The following TSPAN2 variants were observed in gnomAD, a reference collection of about 807,000 sequenced individuals.
TSPAN2 encodes tetraspanin 2.
A neutral mutation model predicts 33.3 loss-of-function variants in TSPAN2; 24 were observed. That is an observed-to-expected ratio of 0.72 (90% confidence interval 0.52 to 1.01). The LOEUF (loss-of-function observed/expected upper bound fraction) is 1.01, where lower values mean the gene tolerates loss of function less well. Ranked by LOEUF, TSPAN2 falls within the 50% of genes least tolerant of loss-of-function variation. TSPAN2 has a pLI of 0.00. For missense variants in TSPAN2, 278 were observed against 281.3 expected (o/e 0.99, Z 0.08); for synonymous variants, 114 against 104.5 (o/e 1.09, Z -0.56).
chr1:115,073,347 TG>T (rs1430280739), intron 1 of TSPAN2, among the ~76,000 whole-genome samples: 4 of 152,230 alleles, frequency 2.6e-5, no homozygotes, highest in African/African-American at 9.6e-5. Context: ...GGAAGGCATC[TG>T]CCCCTGCCTT....
At chr1:115,068,542 G>A (rs1648038820) in intron 2 of TSPAN2, among the ~76,000 whole-genome samples, 1 of 152,178 alleles carries the variant, frequency 6.6e-6, no homozygotes, top group African/African-American at 2.4e-5. Flanking sequence ...AGAGTTTAAT[G>A]GGCTGATTTA....
intron 1 of TSPAN2, among the ~76,000 whole-genome samples, chr1:115,083,459 A>G (rs1215464285): frequency 6.6e-6 from 1 of 152,186 alleles, no homozygotes; most frequent in African/African-American, 2.4e-5. Context: ...CAAGTGAGTA[A>G]GCCAAGAAGC....
At chr1:115,062,100 C>A in intron 3 of TSPAN2, 35 bp downstream of exon 3, 1 of 1,478,626 alleles carries the variant, frequency 6.8e-7, no homozygotes, top group South Asian at 1.2e-5. Flanking sequence ...GCTCCCTCAC[C>A]CCCACCCCAC....
At chr1:115,067,320 G>T (rs1647989229) in intron 2 of TSPAN2, among the ~76,000 whole-genome samples, 1 of 152,202 alleles carries the variant, frequency 6.6e-6, no homozygotes, top group African/African-American at 2.4e-5. Flanking sequence ...GTCTAGAATT[G>T]ATGATTCCTG....
chr1:115,070,040 GT>G (rs922183651), intron 2 of TSPAN2, among the ~76,000 whole-genome samples: 1 of 152,174 alleles, frequency 6.6e-6, no homozygotes, highest in Non-Finnish European at 1.5e-5. Context: ...TCAGCCCTTT[GT>G]TTCTGGAGAA....
chr1:115,061,859 G>T (rs571420648), intron 3 of TSPAN2, among the ~76,000 whole-genome samples: 1 of 151,990 alleles, frequency 6.6e-6, no homozygotes, highest in East Asian at 1.9e-4. Context: ...TCCCTGTGTT[G>T]CCCAAGCTAG....
intron 6 of TSPAN2, among the ~76,000 whole-genome samples, chr1:115,054,319 A>G (rs1463590731): frequency 6.6e-6 from 1 of 152,098 alleles, no homozygotes; most frequent in African/African-American, 2.4e-5. Flanking sequence ...TTCCTATCAC[A>G]CTTCATTCAT....
At chr1:115,075,396 G>A (rs1163822748) in intron 1 of TSPAN2, among the ~76,000 whole-genome samples, 2 of 152,172 alleles carry the variant, frequency 1.3e-5, no homozygotes, top group Non-Finnish European at 2.9e-5. Context: ...GGGATGCTGT[G>A]GGTAAGGACC....
At position 115,054,017 on chromosome 1, in the gene TSPAN2, G is replaced by T. The variant is rs957196440; in HGVS notation, c.517-555C>A. 7.9e-5 allele frequency among the ~76,000 whole-genome samples: 12 copies of T among 152,170 alleles called. 1 individual carries two copies. In the East Asian group the frequency reaches 1.3e-3, roughly 17 times the overall value. On this transcript the variant is annotated intron_variant, in intron 6 of 7. Transcript: ENST00000369516. ...ATTCTCTCCTGTGGTGGCTGGGCTGGGCTGTGCTGGGTGAGTTCCTATCCT... is the reference window on the plus strand; with the variant it reads ...ATTCTCTCCTGTGGTGGCTGGGCTGTGCTGTGCTGGGTGAGTTCCTATCCT...
chr1:115,076,835 C>T (rs1648428383), intron 1 of TSPAN2, among the ~76,000 whole-genome samples: 4 of 152,132 alleles, frequency 2.6e-5, no homozygotes, highest in African/African-American at 4.8e-5. Flanking sequence ...GGAGGGAATC[C>T]AACCCTGCAG....
chr1:115,078,917 G>C (rs928361331), intron 1 of TSPAN2, among the ~76,000 whole-genome samples: 30 of 152,208 alleles, frequency 2.0e-4, no homozygotes, highest in African/African-American at 7.0e-4. Flanking sequence ...CGAAGGCACT[G>C]TGTGAACACG....
intron 1 of TSPAN2, among the ~76,000 whole-genome samples, chr1:115,079,153 ACACACACACACACACG>A (rs1487239640): frequency 6.7e-6 from 1 of 149,126 alleles, no homozygotes; most frequent in Non-Finnish European, 1.5e-5. Context: ...ACACACACAC[ACACACACACACACACG>A]CGCATGCTGC....
intron 2 of TSPAN2, among the ~76,000 whole-genome samples, chr1:115,071,373 C>T (rs976025405): frequency 5.9e-5 from 9 of 152,220 alleles, no homozygotes; most frequent in Middle Eastern, 3.4e-3. Context: ...TGTTGCTGTA[C>T]GAGAATACGA....
At chr1:115,073,593 C>T (rs1490039161) in intron 1 of TSPAN2, among the ~76,000 whole-genome samples, 1 of 152,034 alleles carries the variant, frequency 6.6e-6, no homozygotes, top group Non-Finnish European at 1.5e-5. Flanking sequence ...TCTCCACCAT[C>T]CTATATGGTC....
chr1:115,072,978 T>C lies in TSPAN2; in HGVS notation c.99A>G (p.Gly33=), dbSNP rs201498821. The stretch of plus-strand genomic sequence containing the variant: ...TGGCACCTCCGAACCGAAACCATAG[T>C]CCAAAAGCAATGACGGCCGATCCAG... The part of the protein sequence containing the change: ...WLAGSAVIAF[G]LWFRFGGAIK... The change falls in exon 2 of 8, where the codon GGA becomes GGG. Residue 33 remains glycine (G), a synonymous_variant. Coordinates refer to ENST00000369516, the MANE Select transcript of TSPAN2 (RefSeq NM_005725.6). The C allele has an allele frequency of 1.2e-4, 189 of 1,613,890 alleles. 2 individuals are homozygous for C. The Middle Eastern group carries it at 1.7e-3, about 14-fold the overall frequency.
rs1675287438 is a variant in TSPAN2, at chr1:115,050,535, G to A, written c.621C>T (p.Ser207=). The A allele has an allele frequency of 1.2e-6, 2 of 1,613,820 alleles. No individual in the cohort carries two copies. The highest frequency in any genetic ancestry group is 3.3e-5 in the Admixed American group (2 of 59,958). ...TTCGTATCGCACAGCAGAGGACCAT[G>A]CTGAATATCATGCCAAAGATCTGAA... ...AGLTIFGMIF[S]MVLCCAIRNS... is the part of the protein sequence containing the mutation. The change falls in exon 8 of 8, where the codon AGC becomes AGT. Residue 207 remains serine (S), a synonymous_variant. Transcript: ENST00000369516.
chr1:115,059,088 T>C, intron 4 of TSPAN2, 107 bp from the exon 5 acceptor site: 1 of 853,776 alleles, frequency 1.2e-6, no homozygotes, highest in East Asian at 2.4e-5. Flanking sequence ...AACACTGCCT[T>C]TCTCATAAGA....
rs1675275878 is a variant in TSPAN2 at position 115,050,213 on chromosome 1, GA to G, written c.*276del. Reference sequence around the variant, plus strand: ...ATAGGTTGTTCTTCTTATATAACAAGAATCAGGAATTCCCAGCAAACAGATT... The same window carrying G: ...ATAGGTTGTTCTTCTTATATAACAAGATCAGGAATTCCCAGCAAACAGATT... On this transcript the variant is annotated 3_prime_UTR_variant, in exon 8 of 8. Coordinates refer to ENST00000369516, the MANE Select transcript of TSPAN2 (RefSeq NM_005725.6). The G allele has an allele frequency of 5.0e-6, 2 of 399,410 alleles. No individual in the cohort carries two copies. Among genetic ancestry groups the G allele is most frequent in the Admixed American group, 9.4e-5 (2 of 21,236 alleles). The allele number at this position is 399,410 out of a possible 1,614,324, so 24.7% of individuals were successfully genotyped here. A position where few individuals can be genotyped will look rare whatever the true frequency, so the allele number is the denominator to read the frequency against.
intron 2 of TSPAN2, among the ~76,000 whole-genome samples, chr1:115,072,488 C>T (rs758788732): frequency 6.6e-6 from 1 of 152,212 alleles, no homozygotes; most frequent in East Asian, 1.9e-4. Context: ...TCCCGTGTCA[C>T]CCCATATAGA....
Sources: gnomAD v4.1 joint callset for allele counts (sites outside exome capture counted in the v4.1 genomes callset) on GRCh38, gnomAD v4.1.1 for gene constraint, MANE v1.5 for transcripts, NCBI Gene and HGNC (gene_info 2026-07-23, HGNC 2026-07-21) for gene names.